Variants in CTNNA2 observed in about 807,000 individuals in gnomAD.
CTNNA2 encodes catenin alpha-2.
Under a neutral mutation model 101.0 loss-of-function variants are expected in CTNNA2, and 42 were observed. That is an observed-to-expected ratio of 0.42 (90% CI 0.32 to 0.54). The LOEUF (loss-of-function observed/expected upper bound fraction) is 0.54. CTNNA2 is among the 20% of genes least tolerant of loss of function. CTNNA2 has a pLI of 0.14. For synonymous variants in CTNNA2, 450 were observed against 456.4 expected (o/e 0.99, Z 0.18); for missense variants, 871 against 1,223.1 (o/e 0.71, Z 4.29).
chr2:80,321,137 A>G (rs1372077684), intron 7 of CTNNA2, among the ~76,000 whole-genome samples: 1 of 152,226 alleles, frequency 6.6e-6, no homozygotes, highest in Admixed American at 6.5e-5. Flanking sequence ...TGTAAAAATG[A>G]CTGAAAGAAA....
chr2:79,850,422 C>T (rs1160048577), intron 3 of CTNNA2, among the ~76,000 whole-genome samples: 1 of 142,550 alleles, frequency 7.0e-6, no homozygotes, highest in East Asian at 2.1e-4. Flanking sequence ...TCTCTCCCTC[C>T]CTCTCTCCCT....
chr2:79,833,107 T>C (rs1679052135), intron 3 of CTNNA2, among the ~76,000 whole-genome samples: 2 of 152,202 alleles, frequency 1.3e-5, no homozygotes, highest in Non-Finnish European at 1.5e-5. Context: ...CTGGACTGTC[T>C]TCTGGCATTT....
chr2:79,820,641 A>G (rs1677927257), intron 3 of CTNNA2, among the ~76,000 whole-genome samples: 1 of 152,210 alleles, frequency 6.6e-6, no homozygotes, highest in Non-Finnish European at 1.5e-5. Context: ...TTTATTGAAA[A>G]GGGAAGGAAG....
At chr2:79,684,558 T>A (rs1683803235) in intron 2 of CTNNA2, among the ~76,000 whole-genome samples, 1 of 152,210 alleles carries the variant, frequency 6.6e-6, no homozygotes, top group South Asian at 2.1e-4. Context: ...CCCTATGAAG[T>A]CATTTGTTAT....
chr2:80,640,622 A>C (rs1295163404), intron 18 of CTNNA2, among the ~76,000 whole-genome samples: 1 of 152,226 alleles, frequency 6.6e-6, no homozygotes, highest in East Asian at 1.9e-4. Flanking sequence ...TATTTCAAAC[A>C]TGTCACAGTT....
chr2:80,569,633 G>GTTTTTTTTTTTTTTTTT lies in CTNNA2; in HGVS notation c.1742-4519_1742-4503dup, dbSNP rs70940088. ...TCAGTATTACTTTTGGGGTATTTAG[G>GTTTTTTTTTTTTTTTTT]TTTTTTTTTTTTTTTTTTTTTTTTT... On this transcript the variant is annotated intron_variant, in intron 12 of 18. Coordinates refer to ENST00000402739, the MANE Select transcript of CTNNA2 (RefSeq NM_001282597.3). Among the ~76,000 whole-genome samples the GTTTTTTTTTTTTTTTTT allele has an allele frequency of 3.5e-3, 181 of 51,720 alleles. 42 individuals are homozygous for GTTTTTTTTTTTTTTTTT. The highest frequency in any genetic ancestry group is 4.5e-3 in the Non-Finnish European group (116 of 25,570). 33.9% of individuals were successfully genotyped at this position (51,720 alleles called of 152,430 possible). A position where few individuals can be genotyped will look rare whatever the true frequency, so the allele number is the denominator to read the frequency against.
At chr2:79,525,952 T>C (rs1049215453) in intron 1 of CTNNA2, among the ~76,000 whole-genome samples, 23 of 152,050 alleles carry the variant, frequency 1.5e-4, no homozygotes, top group Non-Finnish European at 2.5e-4. Context: ...GTCTATATGA[T>C]GAAATTTTCT....
In CTNNA2 at chr2:80,303,796, G is replaced by A; in HGVS notation, c.1057-89415G>A. The A allele has an allele frequency of 6.6e-7, 1 of 1,519,982 alleles. No individual in the cohort carries two copies. The highest frequency in any genetic ancestry group is 2.3e-5 in the East Asian group (1 of 43,932). The allele number at this position is 1,519,982 out of a possible 1,614,324, so 94.2% of individuals were successfully genotyped here. ...GCCTCCTCAGCAGCCAGTATAGACA[G>A]AGACCGAGCAGCAGGAAATCCATTA... On this transcript the variant is annotated intron_variant, in intron 7 of 18. Transcript: ENST00000402739. The surrounding 1 kb of genome is among the most constrained non-coding windows in gnomAD (Gnocchi z 7.7).
chr2:79,906,987 C>A (rs192193244), intron 6 of CTNNA2, among the ~76,000 whole-genome samples: 1 of 152,164 alleles, frequency 6.6e-6, no homozygotes, highest in Non-Finnish European at 1.5e-5. Flanking sequence ...TCTAATGACA[C>A]TAGTACATTC....
intron 7 of CTNNA2, among the ~76,000 whole-genome samples, chr2:80,144,296 G>A (rs1703193245): frequency 6.6e-6 from 1 of 152,124 alleles, no homozygotes; most frequent in Non-Finnish European, 1.5e-5. Flanking sequence ...CCCCATAGAT[G>A]CACCTGGTTA....
intron 3 of CTNNA2, among the ~76,000 whole-genome samples, chr2:79,745,765 T>A (rs1671601944): frequency 6.6e-6 from 1 of 152,184 alleles, no homozygotes; most frequent in African/African-American, 2.4e-5. Context: ...CAGAATTCCA[T>A]CGTATGTATA....
intron 1 of CTNNA2, among the ~76,000 whole-genome samples, chr2:79,190,106 A>T (rs760032992): frequency 2.0e-5 from 3 of 152,260 alleles, no homozygotes; most frequent in Non-Finnish European, 4.4e-5. Flanking sequence ...CCTAATTTCC[A>T]TTGTGATTCC....
intron 2 of CTNNA2, among the ~76,000 whole-genome samples, chr2:79,300,471 T>C (rs1380214739): frequency 6.6e-6 from 1 of 152,142 alleles, no homozygotes; most frequent in Non-Finnish European, 1.5e-5. Context: ...CTTTCTTCTC[T>C]CTCCAATGGG....
intron 8 of CTNNA2, among the ~76,000 whole-genome samples, chr2:80,401,592 C>T (rs556953549): frequency 1.1e-4 from 17 of 152,038 alleles, no homozygotes; most frequent in Admixed American, 6.5e-4. Flanking sequence ...CTGATATTCT[C>T]CCATGTTTGA....
At chr2:79,556,702 A>C (rs955796932) in intron 1 of CTNNA2, among the ~76,000 whole-genome samples, 1 of 152,022 alleles carries the variant, frequency 6.6e-6, no homozygotes, top group Admixed American at 6.6e-5. Flanking sequence ...AGTGCCATTA[A>C]ATGGAATTTA....
chr2:79,396,396 C>T (rs148510998), intron 4 of CTNNA2, among the ~76,000 whole-genome samples: 2,311 of 152,000 alleles, frequency 0.015, 66 homozygotes, highest in African/African-American at 0.052. Flanking sequence ...TGACCTCAGG[C>T]GATCTGCCCG....
intron 1 of CTNNA2, among the ~76,000 whole-genome samples, chr2:79,543,073 A>T (rs920387297): frequency 1.1e-4 from 17 of 152,120 alleles, no homozygotes; most frequent in Non-Finnish European, 1.8e-4. Context: ...ATTTTCATAA[A>T]CTTTAGCTTA....
intron 6 of CTNNA2, among the ~76,000 whole-genome samples, chr2:79,897,343 A>AG (rs1684788014): frequency 6.6e-6 from 1 of 151,402 alleles, no homozygotes. Context: ...AGAAAAAAAA[A>AG]AGATAAATTT....
chr2:79,550,167 G>A (rs1210738868), intron 1 of CTNNA2, among the ~76,000 whole-genome samples: 1 of 152,158 alleles, frequency 6.6e-6, no homozygotes, highest in African/African-American at 2.4e-5. Flanking sequence ...TTCTCAAAAT[G>A]TCTGAATTTC....
Sources: gnomAD v4.1 joint callset for allele counts (sites outside exome capture counted in the v4.1 genomes callset) on GRCh38, gnomAD v4.1.1 for gene constraint, Gnocchi (gnomAD v3.1) non-coding constraint, MANE v1.5 for transcripts, NCBI Gene and HGNC (gene_info 2026-07-23, HGNC 2026-07-21) for gene names.